The following ERCC3 variants were observed in gnomAD, a reference collection of about 807,000 sequenced individuals.
ERCC3 encodes general transcription and DNA repair factor IIH helicase/translocase subunit XPB.
A neutral mutation model predicts 94.2 loss-of-function variants in ERCC3; 66 were observed. That is an observed-to-expected ratio of 0.70 (90% CI 0.57 to 0.86). The LOEUF (loss-of-function observed/expected upper bound fraction) is 0.86, where lower values mean the gene tolerates loss of function less well. ERCC3 is among the 40% of genes least tolerant of loss of function. The pLI, the probability that ERCC3 is intolerant of heterozygous loss-of-function variation, is 0.00. For synonymous variants in ERCC3, 349 were observed against 369.1 expected, an observed-to-expected ratio of 0.95 and a Z score of 0.63; for missense variants, 829 against 987.1, an observed-to-expected ratio of 0.84 and a Z score of 2.15.
intron 8 of ERCC3, among the ~76,000 whole-genome samples, chr2:127,281,335 G>A (rs1410020782): frequency 6.6e-6 from 1 of 152,124 alleles, no homozygotes; most frequent in African/African-American, 2.4e-5. Flanking sequence ...GCCCGCCTTA[G>A]GAAACTCCCC....
intron 10 of ERCC3, among the ~76,000 whole-genome samples, chr2:127,276,498 T>G (rs1684739041): frequency 6.6e-6 from 1 of 151,942 alleles, no homozygotes; most frequent in Non-Finnish European, 1.5e-5. Context: ...GAAGACACTC[T>G]ATTCACAAAC....
Position 127,274,364 on chromosome 2 carries a change from C to A in ERCC3, c.1731-1403G>T, listed in dbSNP as rs1473794733. Among the ~76,000 whole-genome samples the A allele has an allele frequency of 1.3e-5, 2 of 152,004 alleles. No homozygotes were observed. Among genetic ancestry groups the A allele is most frequent in the African/African-American group, 4.8e-5 (2 of 41,390 alleles). ...AAAGAAAAAAATCCAGCCAGCCCTG[C>A]CAAGATTCCTCAGCATTGTAAAAGA... is the stretch of plus-strand genomic sequence containing the variant. On this transcript the variant is annotated intron_variant, in intron 10 of 14. Transcript: ENST00000285398. The surrounding 1 kb of genome is among the most constrained non-coding windows in gnomAD (Gnocchi z 4.0).
At chr2:127,281,004 AG>A (rs1684891044) in intron 8 of ERCC3, 1 of 445,416 alleles carries the variant, frequency 2.2e-6, no homozygotes, top group Non-Finnish European at 3.9e-6. Context: ...GGAGAACAAG[AG>A]GGTGAAATGA....
rs1363370930 is a variant in ERCC3 at position 127,288,776 on chromosome 2, G to T, written c.911C>A (p.Pro304His). The change falls in exon 7 of 15, where the codon CCT becomes CAT. Residue 304 changes from proline (P) to histidine (H), a missense_variant. Pro to His is a moderately conservative substitution (Grantham distance 77). Coordinates refer to ENST00000285398, the MANE Select transcript of ERCC3 (RefSeq NM_000122.2). ...GGGCTTTAGGTCAATGTTGATATCA[G>T]GGTTGACAGAATCATTCCGGAAGTC... ...EYDFRNDSVN[P>H]DINIDLKPTA... 6.2e-7 allele frequency: 1 copy of T among 1,613,894 alleles called. No individual in the cohort carries two copies. Among genetic ancestry groups the T allele is most frequent in the Non-Finnish European group, 8.5e-7 (1 of 1,179,832 alleles).
In ERCC3 at chr2:127,286,988, C is replaced by G. The variant is rs780953436; in HGVS notation, c.1057G>C (p.Ala353Pro). 1 of 1,613,362 alleles carries G rather than the reference C, an allele frequency of 6.2e-7. No individual in the cohort carries two copies. The highest frequency in any genetic ancestry group is 8.5e-7 in the Non-Finnish European group (1 of 1,180,018). The change falls in exon 8 of 15, where the codon GCT becomes CCT. Residue 353 changes from alanine (A) to proline (P), a missense_variant. Coordinates refer to ENST00000285398, the MANE Select transcript of ERCC3 (RefSeq NM_000122.2). ...CAGCGTTTTCTGACAGTGCATGCAG[C>G]AGTCACACCAACCAGGGACTTTCCA... is the stretch of plus-strand genomic sequence containing the variant. ...GAGKSLVGVT[A>P]ACTVRKRCLV... is the part of the protein sequence containing the mutation.
At position 127,288,807 on chromosome 2, in the gene ERCC3, C is replaced by A; in HGVS notation, c.880G>T (p.Glu294Ter). 1.9e-6 allele frequency: 3 copies of A among 1,614,122 alleles called. No homozygotes were observed. The South Asian group carries it at 3.3e-5, about 18-fold the overall frequency. ...ACAGAATCATTCCGGAAGTCATATTCTGCCAACAGAGGGTACTCCAGGTGG... is the reference window on the plus strand; with the variant it reads ...ACAGAATCATTCCGGAAGTCATATTATGCCAACAGAGGGTACTCCAGGTGG... ...CIHLEYPLLA[E>*]YDFRNDSVNP... Residue 294 changes from glutamate to a stop codon, truncating the protein, a stop_gained, in exon 7 of 15, where the codon GAA becomes TAA. Transcript: ENST00000285398. LOFTEE classifies it high-confidence loss of function.
At position 127,292,626 on chromosome 2, in the gene ERCC3, A is replaced by G. The variant is rs1390119570; in HGVS notation, c.455T>C (p.Ile152Thr). The G allele has an allele frequency of 1.9e-6, 3 of 1,612,444 alleles. No individual in the cohort carries two copies. Among genetic ancestry groups the G allele is most frequent in the Non-Finnish European group, 2.5e-6 (3 of 1,178,506 alleles). ...KLSKTGVPDG[I>T]MQFIKLCTVS... is the part of the protein sequence containing the mutation. ...GTCACTTGCCTTAATAAACTGCATA[A>G]TTCCATCAGGGACTCCAGTCTTGCT... The change falls in exon 3 of 15, where the codon ATT (isoleucine) becomes ACT (threonine). Residue 152 changes from isoleucine to threonine, a missense_variant. Transcript: ENST00000285398.
chr2:127,285,133 T>C (rs1412806806), intron 8 of ERCC3, among the ~76,000 whole-genome samples: 1 of 152,174 alleles, frequency 6.6e-6, no homozygotes, highest in Admixed American at 6.5e-5. Flanking sequence ...CCAGACATAA[T>C]ATATATTGTA....
chr2:127,294,095 G>C lies in ERCC3; in HGVS notation c.-14C>G. ...TCTTTTGCCCATGGCAGCTACAGCAGCAGAGAGAAGATGACCCCGCTCCCA... is the reference window on the plus strand; with the variant it reads ...TCTTTTGCCCATGGCAGCTACAGCACCAGAGAGAAGATGACCCCGCTCCCA... On this transcript the variant is annotated 5_prime_UTR_variant, in exon 1 of 15. Transcript: ENST00000285398. 2 of 1,606,968 alleles carry C rather than the reference G, an allele frequency of 1.2e-6. No individual in the cohort carries two copies. Among genetic ancestry groups the C allele is most frequent in the Non-Finnish European group, 1.7e-6 (2 of 1,179,408 alleles).
chr2:127,288,961 T>A (rs1446389903), intron 6 of ERCC3, 97 bp from the exon 7 acceptor site: 1 of 1,033,512 alleles, frequency 9.7e-7, no homozygotes, highest in Non-Finnish European at 1.5e-6. Context: ...AGTGGCATTC[T>A]ATCTAAACTT....
chr2:127,262,275 TC>T (rs1446264100), intron 12 of ERCC3: 1 of 152,198 alleles, frequency 6.6e-6, no homozygotes, highest in African/African-American at 2.4e-5. Flanking sequence ...CGTGGATCAC[TC>T]AAGGTCAGGA....
At chr2:127,273,749 C>CAAAAAA (rs398039596) in intron 10 of ERCC3, among the ~76,000 whole-genome samples, 1 of 40,118 alleles carries the variant, frequency 2.5e-5, no homozygotes, top group Non-Finnish European at 4.4e-5. Context: ...AACTCTGTCT[C>CAAAAAA]AAAAAAAAAA....
Position 127,279,045 on chromosome 2 carries a change from G to A in ERCC3, c.1730+128C>T, listed in dbSNP as rs1355805402. 1.8e-5 allele frequency: 13 copies of A among 718,960 alleles called. No individual in the cohort carries two copies. The highest frequency in any genetic ancestry group is 8.3e-5 in the Admixed American group (4 of 48,422). The allele number at this position is 718,960 out of a possible 1,614,324, so 44.5% of individuals were successfully genotyped here. The stretch of plus-strand genomic sequence containing the variant: ...CCTGGTTTCTGAGACCAGGGCCACA[G>A]AACAAGATCTTTGGAGCCCAAGAAG... On this transcript the variant is annotated intron_variant, in intron 10 of 14. Transcript: ENST00000285398. The surrounding 1 kb of genome is among the most constrained non-coding windows in gnomAD (Gnocchi z 4.7).
In ERCC3 at chr2:127,290,015, AG is replaced by A. The variant is rs1399669605; in HGVS notation, c.522-192del. The A allele has an allele frequency of 3.0e-5, 24 of 794,252 alleles. No individual in the cohort carries two copies. In the East Asian group the frequency reaches 5.8e-4, roughly 19 times the overall value. 49.2% of individuals were successfully genotyped at this position (794,252 alleles called of 1,614,324 possible). On this transcript the variant is annotated intron_variant, in intron 4 of 14. Transcript: ENST00000285398. Reference sequence around the variant, plus strand: ...GTTGTGACTTTGAGGTCAAGTAGGCAGGGGCCTGAGCCCAGCTCCACTGCTA... The same window carrying A: ...GTTGTGACTTTGAGGTCAAGTAGGCAGGGCCTGAGCCCAGCTCCACTGCTA...
At position 127,259,357 on chromosome 2, in the gene ERCC3, G is replaced by T; in HGVS notation, c.2156C>A (p.Ala719Asp). ...CTCCTCCTCGGCATCCAGGTCAGTG[G>T]CTGCCAGGACTTTCTGTAAGAGCTG... ...QQQLLQKVLA[A>D]TDLDAEEEVV... Residue 719 changes from alanine (A) to aspartate (D), a missense_variant, in exon 14 of 15, where the codon GCC becomes GAC. Transcript: ENST00000285398. The surrounding 1 kb of genome is among the most constrained non-coding windows in gnomAD (Gnocchi z 4.9). The T allele has an allele frequency of 2.5e-6, 4 of 1,614,160 alleles. No homozygotes were observed. In the East Asian group the frequency reaches 8.9e-5, roughly 36 times the overall value.
Position 127,294,109 on chromosome 2 carries a change from A to G in ERCC3, c.-28T>C. Reference sequence around the variant, plus strand: ...CAGCTACAGCAGCAGAGAGAAGATGACCCCGCTCCCACAGGCCCGCCGCGG... The same window carrying G: ...CAGCTACAGCAGCAGAGAGAAGATGGCCCCGCTCCCACAGGCCCGCCGCGG... On this transcript the variant is annotated 5_prime_UTR_variant, in exon 1 of 15. Coordinates refer to ENST00000285398, the MANE Select transcript of ERCC3 (RefSeq NM_000122.2). The G allele has an allele frequency of 6.2e-7, 1 of 1,602,530 alleles. No homozygotes were observed. The highest frequency in any genetic ancestry group is 8.5e-7 in the Non-Finnish European group (1 of 1,178,314).
rs1056863011 is a variant in ERCC3 at position 127,284,548 on chromosome 2, G to A, written c.1342+2155C>T. The stretch of plus-strand genomic sequence containing the variant: ...TCTCCAGAAACCCATCAGGGCTGAA[G>A]AGCTCTCATGCACAGAAAGAACCAG... On this transcript the variant is annotated intron_variant, in intron 8 of 14. Coordinates refer to ENST00000285398, the MANE Select transcript of ERCC3 (RefSeq NM_000122.2). The surrounding 1 kb of genome is among the most constrained non-coding windows in gnomAD (Gnocchi z 4.1). Among the ~76,000 whole-genome samples, 4 of 152,246 alleles carry A rather than the reference G, an allele frequency of 2.6e-5. No homozygotes were observed. The highest frequency in any genetic ancestry group is 4.8e-5 in the African/African-American group (2 of 41,468).
chr2:127,266,647 A>C (rs1684378024), intron 12 of ERCC3, among the ~76,000 whole-genome samples: 1 of 151,430 alleles, frequency 6.6e-6, no homozygotes. Flanking sequence ...GAATTTATTG[A>C]GACTTTAATA....
rs1198677656 is a variant in ERCC3, at chr2:127,286,796, T to A, written c.1249A>T (p.Thr417Ser). Residue 417 changes from threonine (T) to serine (S), a missense_variant, in exon 8 of 15, where the codon ACC (threonine) becomes TCC (serine). Transcript: ENST00000285398. ...CGCTCGGCCTCCCAGGACCTTTTGG[T>A]GGTGTGGCCCAGCATGGAGTAGGTG... The part of the protein sequence containing the change: ...ISTYSMLGHT[T>S]KRSWEAERVM... 6.2e-7 allele frequency: 1 copy of A among 1,614,070 alleles called. No individual in the cohort carries two copies. Among genetic ancestry groups the A allele is most frequent in the Admixed American group, 1.7e-5 (1 of 60,004 alleles).
Sources: allele counts gnomAD v4.1 joint callset (sites outside exome capture counted in the v4.1 genomes callset), GRCh38; gene constraint gnomAD v4.1.1; non-coding constraint Gnocchi (gnomAD v3.1); transcripts MANE v1.5; gene names NCBI Gene and HGNC (gene_info 2026-07-23, HGNC 2026-07-21).